Variants in SMARCC2 observed in about 807,000 individuals in gnomAD.
SMARCC2 encodes SWI/SNF related BAF chromatin remodeling complex subunit C2.
A neutral mutation model predicts 151.3 loss-of-function variants in SMARCC2; 15 were observed. The observed-to-expected ratio is 0.10, with a 90% CI of 0.07 to 0.15. SMARCC2 has a LOEUF of 0.15. Among genes scored for constraint, SMARCC2 ranks in the 10% least tolerant of loss-of-function variants. The pLI, the probability that SMARCC2 is intolerant of heterozygous loss-of-function variation, is 1.00. For missense variants in SMARCC2, 1,031 were observed against 1,599.7 expected, an observed-to-expected ratio of 0.64 and a Z score of 6.06; for synonymous variants, 590 against 609.5, an observed-to-expected ratio of 0.97 and a Z score of 0.47.
chr12:56,182,432 C>G (rs1191899195), intron 7 of SMARCC2, among the ~76,000 whole-genome samples: 1 of 151,558 alleles, frequency 6.6e-6, no homozygotes, highest in East Asian at 2.0e-4. Flanking sequence ...TCAAGCGATT[C>G]TCCTGCCTCA....
At chr12:56,168,265 G>A in intron 25 of SMARCC2, 71 bp from the exon 26 acceptor site, 5 of 1,563,306 alleles carry the variant, frequency 3.2e-6, no homozygotes, top group South Asian at 1.1e-5. Flanking sequence ...AGAAAGGTAG[G>A]GTGGATGCTG....
chr12:56,182,124 T>C (rs749808435), intron 7 of SMARCC2, 45 bp from the exon 8 acceptor site: 9 of 1,408,458 alleles, frequency 6.4e-6, no homozygotes, highest in South Asian at 2.4e-5. Context: ...TGGGATAGAA[T>C]TGTGGAAAAG....
chr12:56,162,404 A>G lies in SMARCC2; in HGVS notation c.*1285T>C, dbSNP rs1871992031. On this transcript the variant is annotated 3_prime_UTR_variant, in exon 29 of 29. Transcript: ENST00000550164. Reference sequence around the variant, plus strand: ...TTTATAAAAAAAAAAAAAAGAAAGAAAGAAAAAAAGAGAAAATTTACAGAA... The same window carrying G: ...TTTATAAAAAAAAAAAAAAGAAAGAGAGAAAAAAAGAGAAAATTTACAGAA... 3 of 646,390 alleles carry G rather than the reference A, an allele frequency of 4.6e-6. No homozygotes were observed. The highest frequency in any genetic ancestry group is 8.2e-6 in the Non-Finnish European group (3 of 366,312). The allele number at this position is 646,390 out of a possible 1,614,324, so 40.0% of individuals were successfully genotyped here.
intron 20 of SMARCC2, 60 bp downstream of exon 20, chr12:56,172,368 C>G: frequency 5.5e-6 from 8 of 1,451,784 alleles, no homozygotes; most frequent in South Asian, 1.4e-5. Flanking sequence ...AGGCGTGAGC[C>G]TCTACACGGA....
In SMARCC2 at chr12:56,163,667, GGA is replaced by G. The variant is rs753438693; in HGVS notation, c.*20_*21del. On this transcript the variant is annotated 3_prime_UTR_variant, in exon 29 of 29. Transcript: ENST00000550164. Reference sequence around the variant, plus strand: ...CCGTGATGTCCACAGGGGGTGAGGGGGAGAGATGTCTGGCTGGCTCCTCACTG... The same window carrying G: ...CCGTGATGTCCACAGGGGGTGAGGGGGAGATGTCTGGCTGGCTCCTCACTG... 1.5e-5 allele frequency: 22 copies of G among 1,438,808 alleles called. No homozygotes were observed. In the African/African-American group the frequency reaches 1.6e-4, roughly 11 times the overall value. The allele number at this position is 1,438,808 out of a possible 1,614,324, so 89.1% of individuals were successfully genotyped here.
At position 56,162,412 on chromosome 12, in the gene SMARCC2, AAG is replaced by A. The variant is rs796530906; in HGVS notation, c.*1275_*1276del. ...AAAAAAAAAAAGAAAGAAAGAAAAA[AAG>A]AGAAAATTTACAGAAAACTTTGAAC... On this transcript the variant is annotated 3_prime_UTR_variant, in exon 29 of 29. Coordinates refer to ENST00000550164, the MANE Select transcript of SMARCC2 (RefSeq NM_001330288.2). 6.2e-5 allele frequency: 40 copies of A among 644,864 alleles called. No homozygotes were observed. The highest frequency in any genetic ancestry group is 3.3e-4 in the East Asian group (12 of 36,602). 39.9% of individuals were successfully genotyped at this position (644,864 alleles called of 1,614,324 possible). A position where few individuals can be genotyped will look rare whatever the true frequency, so the allele number is the denominator to read the frequency against.
At chr12:56,172,329 G>A (rs753480373) in intron 20 of SMARCC2, 99 bp downstream of exon 20, 50 of 1,069,666 alleles carry the variant, frequency 4.7e-5, no homozygotes, top group Non-Finnish European at 6.5e-5. Flanking sequence ...TGATCCTCCT[G>A]CCTTGGCCTC....
At chr12:56,184,468 C>T (rs1459652368) in intron 5 of SMARCC2, 1 of 572,680 alleles carries the variant, frequency 1.7e-6, no homozygotes, top group African/African-American at 1.9e-5. Context: ...ATCTTCTGAA[C>T]AGATAATCTA....
rs748867452 is a variant in SMARCC2 at position 56,172,678 on chromosome 12, G to A, written c.1770C>T (p.Leu590=). Residue 590 remains leucine, a synonymous_variant, in exon 19 of 29, where the codon CTC becomes CTT. Coordinates refer to ENST00000550164, the MANE Select transcript of SMARCC2 (RefSeq NM_001330288.2). ...TCTCTTTGCCTTTGTCAGGAAAGTT[G>A]AGCATTTGTTGGGAAGCAGAGGTCT... The part of the protein sequence containing the change: ...ELQTSASQQM[L]NFPDKGKEKP... 9 of 1,614,190 alleles carry A rather than the reference G, an allele frequency of 5.6e-6. No individual in the cohort carries two copies. The highest frequency in any genetic ancestry group is 1.1e-5 in the South Asian group (1 of 91,062).
rs199743603 is a variant in SMARCC2 at position 56,168,135 on chromosome 12, G to C, written c.2775C>G (p.Thr925=). 3.1e-6 allele frequency: 5 copies of C among 1,613,930 alleles called. No homozygotes were observed. The African/African-American group carries it at 6.7e-5, about 22-fold the overall frequency. ...GTTTGATCTCCAACTTTTTCATCTGGGTCTCCACCAGCAGGGCCACCAAAG... is the reference window on the plus strand; with the variant it reads ...GTTTGATCTCCAACTTTTTCATCTGCGTCTCCACCAGCAGGGCCACCAAAG... ...IKSLVALLVE[T]QMKKLEIKLR... Residue 925 remains threonine (T), a synonymous_variant, in exon 26 of 29, where the codon ACC becomes ACG. Transcript: ENST00000550164.
intron 3 of SMARCC2, 51 bp from the exon 4 acceptor site, chr12:56,185,162 G>A (rs1358079682): frequency 1.4e-6 from 2 of 1,454,838 alleles, no homozygotes; most frequent in Non-Finnish European, 1.9e-6. Flanking sequence ...GTCTGCAGAT[G>A]AGGTGAGGGC....
At chr12:56,170,000 T>G in intron 23 of SMARCC2, 89 bp from the exon 24 acceptor site, 2 of 1,433,640 alleles carry the variant, frequency 1.4e-6, no homozygotes, top group Non-Finnish European at 2.0e-6. Context: ...ACTAAATTTA[T>G]TCCTCTTACT....
At chr12:56,188,717 T>C (rs1393705863) in intron 1 of SMARCC2, among the ~76,000 whole-genome samples, 2 of 151,980 alleles carry the variant, frequency 1.3e-5, no homozygotes, top group Non-Finnish European at 1.5e-5. Context: ...CGAGGAAAGG[T>C]TTCGGAAGGG....
chr12:56,170,340 G>A (rs1442576482), intron 22 of SMARCC2, 132 bp from the exon 23 acceptor site: 8 of 756,856 alleles, frequency 1.1e-5, no homozygotes, highest in African/African-American at 5.2e-5. Flanking sequence ...CTGGGCCCAC[G>A]CAATCCTCCC....
chr12:56,183,752 AAG>A, intron 7 of SMARCC2, 107 bp downstream of exon 7: 1 of 688,866 alleles, frequency 1.5e-6, no homozygotes, highest in Non-Finnish European at 2.5e-6. Flanking sequence ...AAAACAAATT[AAG>A]TGATCTAAAA....
At position 56,165,713 on chromosome 12, in the gene SMARCC2, T is replaced by C. The variant is rs1221426464; in HGVS notation, c.2851-14A>G. 6.2e-6 allele frequency: 10 copies of C among 1,605,802 alleles called. No individual in the cohort carries two copies. Among genetic ancestry groups the C allele is most frequent in the Admixed American group, 3.3e-5 (2 of 60,022 alleles). On this transcript the variant is annotated splice_polypyrimidine_tract_variant and intron_variant, in intron 26 of 28. Transcript: ENST00000550164. ...CTGATACTCCAGCTGCCAGTGCCAA[T>C]TGAGTATTGTTATCCAATTTTCAGC...
intron 14 of SMARCC2, 106 bp downstream of exon 14, chr12:56,178,298 G>A: frequency 7.5e-7 from 1 of 1,336,492 alleles, no homozygotes; most frequent in Non-Finnish European, 1.1e-6. Context: ...GGTCTATTTG[G>A]GTGAGGAAAA....
intron 1 of SMARCC2, among the ~76,000 whole-genome samples, chr12:56,187,822 G>A (rs1877544682): frequency 6.6e-6 from 1 of 152,166 alleles, no homozygotes; most frequent in Non-Finnish European, 1.5e-5. Flanking sequence ...TCTGAAGACT[G>A]GGTATAAATG....
chr12:56,166,222 A>T (rs1050431481), intron 26 of SMARCC2, among the ~76,000 whole-genome samples: 3 of 150,120 alleles, frequency 2.0e-5, no homozygotes, highest in African/African-American at 7.4e-5. Context: ...GCTCACTGCA[A>T]CCTCCGCCTC....
Sources: gnomAD v4.1 joint callset for allele counts (sites outside exome capture counted in the v4.1 genomes callset) on GRCh38, gnomAD v4.1.1 for gene constraint, MANE v1.5 for transcripts, NCBI Gene and HGNC (gene_info 2026-07-23, HGNC 2026-07-21) for gene names.